Variants in FANCE observed in about 807,000 individuals in gnomAD.
FANCE encodes the protein Fanconi anemia group E protein.
In FANCE, 42 loss-of-function variants were observed where a neutral mutation model predicts 57.8. That is an observed-to-expected ratio of 0.73 (90% CI 0.57 to 0.94). FANCE has a LOEUF of 0.94. Ranked by LOEUF, FANCE falls within the 40% of genes least tolerant of loss-of-function variation. The probability of loss-of-function intolerance (pLI) is 0.00; values close to 1 mark genes in which losing one functional copy is unlikely to be tolerated. For missense variants in FANCE, 608 were observed against 661.8 expected, an observed-to-expected ratio of 0.92 and a Z score of 0.89; for synonymous variants, 251 against 286.4, an observed-to-expected ratio of 0.88 and a Z score of 1.25.
rs558453150 is a variant in FANCE at position 35,462,775 on chromosome 6, C to T, written c.1384-14C>T. On this transcript the variant is annotated splice_polypyrimidine_tract_variant and intron_variant, in intron 8 of 9. Transcript: ENST00000229769. ...CTTTCTTGTGATTACTGCTCCATCT[C>T]CCAATGTGTGCAGGTGGAGATGACC... The T allele has an allele frequency of 3.3e-5, 54 of 1,614,056 alleles. No individual in the cohort carries two copies. The Middle Eastern group carries it at 6.6e-4, about 20-fold the overall frequency.
chr6:35,458,497 C>G, intron 5 of FANCE, 57 bp downstream of exon 5: 2 of 1,596,246 alleles, frequency 1.3e-6, no homozygotes, highest in Non-Finnish European at 1.7e-6. Flanking sequence ...AGCAACTGGG[C>G]CCTCAGAAGG....
Position 35,457,929 on chromosome 6 carries a change from T to C in FANCE, c.914T>C (p.Leu305Ser). 1 of 1,614,148 alleles carries C rather than the reference T, an allele frequency of 6.2e-7. No individual in the cohort carries two copies. The highest frequency in any genetic ancestry group is 8.5e-7 in the Non-Finnish European group (1 of 1,179,998). The change falls in exon 4 of 10, where the codon TTG becomes TCG. Residue 305 changes from leucine (L) to serine (S), a missense_variant. Coordinates refer to ENST00000229769, the MANE Select transcript of FANCE (RefSeq NM_021922.3). Reference sequence around the variant, plus strand: ...TTGTCTCCCCAGGGGTTAGAGGGATTGGAGGATGCCCCCCCAGTTGAGCTA... The same window carrying C: ...TTGTCTCCCCAGGGGTTAGAGGGATCGGAGGATGCCCCCCCAGTTGAGCTA... ...LKTLEEGLEG[L>S]EDAPPVELQL... is the part of the protein sequence containing the mutation.
At position 35,456,228 on chromosome 6, in the gene FANCE, G is replaced by T; in HGVS notation, c.730G>T (p.Asp244Tyr). Residue 244 changes from aspartate (D) to tyrosine (Y), a missense_variant, in exon 2 of 10, where the codon GAT becomes TAT. Asp to Tyr is a radical substitution (Grantham distance 160, BLOSUM62 -3). Coordinates refer to ENST00000229769, the MANE Select transcript of FANCE (RefSeq NM_021922.3). This position sits in a 1 kb window ranked among gnomAD's most constrained non-coding sequence, Gnocchi z 4.3. ...ACATAAGTCACTGGAATCCCTGGCA[G>T]ATGGAGGAAGTGCATCTCCTATTAA... ...PEHKSLESLA[D>Y]GGSASPIKDQ... 1.9e-6 allele frequency: 3 copies of T among 1,614,192 alleles called. No homozygotes were observed. Among genetic ancestry groups the T allele is most frequent in the Non-Finnish European group, 1.7e-6 (2 of 1,180,052 alleles).
chr6:35,452,533 C>G lies in FANCE; in HGVS notation c.-13C>G. ...CACCAGAGTAGGGGGCGGCGCGGCACCCGTGCCCCGGCATGGCGACACCGG... is the reference window on the plus strand; with the variant it reads ...CACCAGAGTAGGGGGCGGCGCGGCAGCCGTGCCCCGGCATGGCGACACCGG... On this transcript the variant is annotated 5_prime_UTR_variant, in exon 1 of 10. Coordinates refer to ENST00000229769, the MANE Select transcript of FANCE (RefSeq NM_021922.3). 7.7e-7 allele frequency: 1 copy of G among 1,300,804 alleles called. No individual in the cohort carries two copies. Among genetic ancestry groups the G allele is most frequent in the Non-Finnish European group, 9.8e-7 (1 of 1,021,842 alleles). The allele number at this position is 1,300,804 out of a possible 1,614,324, so 80.6% of individuals were successfully genotyped here.
At chr6:35,457,732 G>A in intron 3 of FANCE, 132 bp downstream of exon 3, 5 of 1,151,390 alleles carry the variant, frequency 4.3e-6, no homozygotes, top group Non-Finnish European at 6.4e-6. Flanking sequence ...AAGGTCTGAG[G>A]ACAGTCTCTG....
intron 9 of FANCE, among the ~76,000 whole-genome samples, chr6:35,464,763 C>T (rs1213738898): frequency 7.5e-5 from 10 of 134,158 alleles, no homozygotes; most frequent in African/African-American, 5.7e-5. Context: ...GATGGAGTCT[C>T]GCTCTGTCGC....
chr6:35,459,295 GA>G, intron 5 of FANCE, 35 bp from the exon 6 acceptor site: 3 of 1,612,802 alleles, frequency 1.9e-6, no homozygotes, highest in Non-Finnish European at 2.5e-6. Context: ...AAATGAAGAA[GA>G]AAATAATTAA....
chr6:35,455,939 G>A lies in FANCE; in HGVS notation c.441G>A (p.Gly147=). The A allele has an allele frequency of 1.2e-6, 2 of 1,614,032 alleles. No individual in the cohort carries two copies. The highest frequency in any genetic ancestry group is 1.7e-6 in the Non-Finnish European group (2 of 1,180,010). The part of the protein sequence containing the change: ...GELLRRDLGV[G]TSMEGASPLS... ...TGCTGCGAAGGGATTTGGGGGTGGG[G>A]ACCTCCATGGAGGGAGCTTCTCCAC... Residue 147 remains glycine, a synonymous_variant, in exon 2 of 10, where the codon GGG becomes GGA. Coordinates refer to ENST00000229769, the MANE Select transcript of FANCE (RefSeq NM_021922.3).
chr6:35,454,143 A>G (rs891811601), intron 1 of FANCE, among the ~76,000 whole-genome samples: 2 of 151,628 alleles, frequency 1.3e-5, no homozygotes, highest in African/African-American at 4.9e-5. Context: ...GGCTCACTGC[A>G]ACCTCCACCT....
chr6:35,459,323 G>A lies in FANCE; in HGVS notation c.1114-8G>A, dbSNP rs878854342. 5 of 1,613,662 alleles carry A rather than the reference G, an allele frequency of 3.1e-6. No homozygotes were observed. The highest frequency in any genetic ancestry group is 1.3e-5 in the African/African-American group (1 of 74,802). ...AATAATTAATTTTTTCCTCCCTGTTGGCTGTAGATCCTCTCCTTGACTTCC... is the reference window on the plus strand; with the variant it reads ...AATAATTAATTTTTTCCTCCCTGTTAGCTGTAGATCCTCTCCTTGACTTCC... On this transcript the variant is annotated splice_polypyrimidine_tract_variant and splice_region_variant and intron_variant, in intron 5 of 9. Transcript: ENST00000229769.
intron 9 of FANCE, among the ~76,000 whole-genome samples, chr6:35,463,828 T>C (rs1030074163): frequency 6.6e-6 from 1 of 151,876 alleles, no homozygotes; most frequent in Admixed American, 6.6e-5. Context: ...GCTAATTTTT[T>C]GTATATTTTG....
Position 35,462,710 on chromosome 6 carries a change from G to T in FANCE, c.1384-79G>T, listed in dbSNP as rs1286384997. 26 of 1,596,324 alleles carry T rather than the reference G, an allele frequency of 1.6e-5. No homozygotes were observed. In the South Asian group the frequency reaches 2.6e-4, roughly 16 times the overall value. On this transcript the variant is annotated intron_variant, in intron 8 of 9. Coordinates refer to ENST00000229769, the MANE Select transcript of FANCE (RefSeq NM_021922.3). ...CACCTAGCTAGGAAGTGGTGGAGTTGGGAATTGAATCCAGGACTGGCTGAA... is the reference window on the plus strand; with the variant it reads ...CACCTAGCTAGGAAGTGGTGGAGTTTGGAATTGAATCCAGGACTGGCTGAA...
At chr6:35,465,132 A>AT (rs1272768664) in intron 9 of FANCE, among the ~76,000 whole-genome samples, 1 of 151,750 alleles carries the variant, frequency 6.6e-6, no homozygotes, top group Non-Finnish European at 1.5e-5. Flanking sequence ...GACTAGTAGC[A>AT]TTTTTTCTGT....
At chr6:35,462,110 A>AATAATT (rs1554122301) in intron 8 of FANCE, among the ~76,000 whole-genome samples, 4,827 of 115,744 alleles carry the variant, frequency 0.042, 138 homozygotes, top group African/African-American at 0.14. Flanking sequence ...TAATAATAAT[A>AATAATT]ATTATTATTT....
At position 35,455,924 on chromosome 6, in the gene FANCE, G is replaced by T; in HGVS notation, c.426G>T (p.Arg142Ser). 6.2e-7 allele frequency: 1 copy of T among 1,614,144 alleles called. No homozygotes were observed. Among genetic ancestry groups the T allele is most frequent in the South Asian group, 1.1e-5 (1 of 91,082 alleles). ...GTGCCCTGGGGGAATTGCTGCGAAG[G>T]GATTTGGGGGTGGGGACCTCCATGG... ...WLRALGELLR[R>S]DLGVGTSMEG... is the part of the protein sequence containing the mutation. The change falls in exon 2 of 10, where the codon AGG becomes AGT. Residue 142 changes from arginine to serine, a missense_variant. Coordinates refer to ENST00000229769, the MANE Select transcript of FANCE (RefSeq NM_021922.3).
chr6:35,452,841 T>C, intron 1 of FANCE, 48 bp downstream of exon 1: 1 of 1,280,868 alleles, frequency 7.8e-7, no homozygotes, highest in Non-Finnish European at 9.9e-7. Context: ...GGCGGGGGGC[T>C]GTCGGGGGAA....
In FANCE at chr6:35,459,711, C is replaced by T; in HGVS notation, c.1267C>T (p.Leu423Phe). 2 of 1,614,132 alleles carry T rather than the reference C, an allele frequency of 1.2e-6. No individual in the cohort carries two copies. The highest frequency in any genetic ancestry group is 1.7e-5 in the Admixed American group (1 of 60,008). The change falls in exon 7 of 10, where the codon CTT becomes TTT. Residue 423 changes from leucine to phenylalanine, a missense_variant. Leu to Phe is a conservative substitution (Grantham distance 22, BLOSUM62 0). Coordinates refer to ENST00000229769, the MANE Select transcript of FANCE (RefSeq NM_021922.3). Reference sequence around the variant, plus strand: ...TGCTCAAACAGAGTTACTGTGTTGCCTTGTGAAGATGGAGTCCCTGGAGCC... The same window carrying T: ...TGCTCAAACAGAGTTACTGTGTTGCTTTGTGAAGATGGAGTCCCTGGAGCC... ...GPAQTELLCC[L>F]VKMESLEPDA...
At position 35,459,399 on chromosome 6, in the gene FANCE, T is replaced by C. The variant is rs773156225; in HGVS notation, c.1182T>C (p.Tyr394=). 1.9e-6 allele frequency: 3 copies of C among 1,614,152 alleles called. No individual in the cohort carries two copies. The highest frequency in any genetic ancestry group is 1.6e-4 in the Middle Eastern group (1 of 6,062). The change falls in exon 6 of 10, where the codon TAT becomes TAC. Residue 394 remains tyrosine, a synonymous_variant. Coordinates refer to ENST00000229769, the MANE Select transcript of FANCE (RefSeq NM_021922.3). ...TTALTSFCAK[Y]TYPVCSALLD... ...CCCTGACCTCCTTCTGTGCCAAATATACATACCCTGTCTGCAGCGCCCTCC... is the reference window on the plus strand; with the variant it reads ...CCCTGACCTCCTTCTGTGCCAAATACACATACCCTGTCTGCAGCGCCCTCC...
chr6:35,460,915 T>C (rs1767563455), intron 8 of FANCE, among the ~76,000 whole-genome samples: 2 of 148,894 alleles, frequency 1.3e-5, no homozygotes, highest in South Asian at 4.2e-4. Context: ...GATTCATATG[T>C]TCACAAATTT....
Sources: allele counts gnomAD v4.1 joint callset (sites outside exome capture counted in the v4.1 genomes callset), GRCh38; gene constraint gnomAD v4.1.1; non-coding constraint Gnocchi (gnomAD v3.1); transcripts MANE v1.5; gene names NCBI Gene and HGNC (gene_info 2026-07-23, HGNC 2026-07-21).